Variants in PPFIBP2 observed in about 807,000 individuals in gnomAD.
The protein encoded by PPFIBP2 is liprin-beta-2.
A neutral mutation model predicts 118.3 loss-of-function variants in PPFIBP2; 118 were observed. The ratio of observed to expected loss-of-function variants is 1.00; its 90% confidence interval spans 0.86 to 1.16. The LOEUF is 1.16. Among genes scored for constraint, PPFIBP2 ranks in the 50% most tolerant of loss-of-function variants. The pLI, the probability that PPFIBP2 is intolerant of heterozygous loss-of-function variation, is 0.00. For synonymous variants in PPFIBP2, 414 were observed against 397.4 expected (o/e 1.04, Z -0.50); for missense variants, 1,195 against 1,073.1 (o/e 1.11, Z -1.59).
chr11:7,616,445 G>A lies in PPFIBP2; in HGVS notation c.619-4490G>A, dbSNP rs1304176109. ...AAGGGAGGAGACAAAGTAGGGATCC[G>A]TGTCCTCAAGGAGTGAGTCTCGTCA... On this transcript the variant is annotated intron_variant, in intron 6 of 23. Transcript: ENST00000299492. The surrounding 1 kb of genome is among the most constrained non-coding windows in gnomAD (Gnocchi z 5.2). 6.6e-6 allele frequency among the ~76,000 whole-genome samples: 1 copy of A among 152,216 alleles called. No individual in the cohort carries two copies.
intron 11 of PPFIBP2, among the ~76,000 whole-genome samples, chr11:7,631,829 G>A (rs992823441): frequency 1.3e-5 from 2 of 152,174 alleles, no homozygotes; most frequent in African/African-American, 4.8e-5. Flanking sequence ...AAGTCTTACT[G>A]GATACCTCCA....
chr11:7,660,360 G>C (rs868857058), downstream of PPFIBP2, among the ~76,000 whole-genome samples: 12 of 112,044 alleles, frequency 1.1e-4, no homozygotes, highest in South Asian at 1.6e-3. Flanking sequence ...TAGCATGAAG[G>C]GTTGTTGAAT....
At position 7,621,040 on chromosome 11, in the gene PPFIBP2, C is replaced by G; in HGVS notation, c.711+13C>G. On this transcript the variant is annotated intron_variant, in intron 7 of 23. Transcript: ENST00000299492. ...AAAGGCCACTAAGGTAAACGGCACT[C>G]CTGATGCTTATGGAGAGAGTATGAG... The G allele has an allele frequency of 6.4e-7, 1 of 1,573,314 alleles. No homozygotes were observed. Among genetic ancestry groups the G allele is most frequent in the South Asian group, 1.1e-5 (1 of 90,206 alleles).
chr11:7,642,247 T>C (rs746711442), intron 16 of PPFIBP2, 51 bp from the exon 17 acceptor site: 9 of 1,604,148 alleles, frequency 5.6e-6, no homozygotes, highest in African/African-American at 1.3e-5. Context: ...ACAGTGACTG[T>C]AGGCTTTCTG....
At chr11:7,527,133 G>C (rs1468466223) in intron 1 of PPFIBP2, among the ~76,000 whole-genome samples, 1 of 151,740 alleles carries the variant, frequency 6.6e-6, no homozygotes, top group Non-Finnish European at 1.5e-5. Flanking sequence ...AAGTCTGACT[G>C]TCTGCACCTT....
chr11:7,562,929 TTA>T (rs60848890), intron 2 of PPFIBP2, among the ~76,000 whole-genome samples: 1,724 of 85,598 alleles, frequency 0.02, 60 homozygotes, highest in Admixed American at 0.029. Flanking sequence ...AATTAAAGTT[TTA>T]TATATATATA....
chr11:7,633,190 G>T (rs1488011120), intron 12 of PPFIBP2, among the ~76,000 whole-genome samples: 2 of 152,190 alleles, frequency 1.3e-5, no homozygotes, highest in East Asian at 1.9e-4. Flanking sequence ...TCAGAGGAGA[G>T]GTGGCTGCAA....
At chr11:7,588,003 G>C (rs1182927102) in intron 3 of PPFIBP2, among the ~76,000 whole-genome samples, 9 of 152,082 alleles carry the variant, frequency 5.9e-5, no homozygotes, top group Non-Finnish European at 1.3e-4. Context: ...GCTGATCTAG[G>C]GTTCGCCACA....
intron 1 of PPFIBP2, among the ~76,000 whole-genome samples, chr11:7,544,374 G>A (rs184000950): frequency 6.0e-4 from 92 of 152,212 alleles, no homozygotes; most frequent in East Asian, 1.9e-3. Flanking sequence ...TTTCCTGGGC[G>A]GTTGGGTGCC....
At chr11:7,558,688 G>A (rs11041451) in intron 2 of PPFIBP2, among the ~76,000 whole-genome samples, 10,634 of 151,872 alleles carry the variant, frequency 0.07, 468 homozygotes, top group South Asian at 0.16. Flanking sequence ...CCTGGGAGGC[G>A]GAGGTTGCAG....
rs115712295 is a variant in PPFIBP2, at chr11:7,565,159, A to G, written c.65-394A>G. Among the ~76,000 whole-genome samples, 441 of 152,196 alleles carry G rather than the reference A, an allele frequency of 2.9e-3. 2 individuals carry two copies. The highest frequency in any genetic ancestry group is 7.9e-3 in the Admixed American group (121 of 15,282). ...TCAGTCCCAAAGGGTACAGTCATCC[A>G]CCTCTGTATGCCTATTTTTACACTG... On this transcript the variant is annotated intron_variant, in intron 2 of 23. Transcript: ENST00000299492.
the PPFIBP2 span, chr11:7,665,542 C>G: frequency 1.7e-5 from 27 of 1,601,350 alleles, no homozygotes; most frequent in Middle Eastern, 7.0e-4. Context: ...AGCTGTACTT[C>G]CAGCCTGAAA....
At chr11:7,520,630 C>T (rs117720097) in intron 1 of PPFIBP2, among the ~76,000 whole-genome samples, 6,549 of 152,008 alleles carry the variant, frequency 0.043, 278 homozygotes, top group Admixed American at 0.12. Context: ...ACTGATAACA[C>T]TTGTTCCATT....
Position 7,634,545 on chromosome 11 carries a change from T to C in PPFIBP2, c.1187T>C (p.Val396Ala). ...CSLEDLRSES[V>A]DKCMDGNQPF... The stretch of plus-strand genomic sequence containing the variant: ...CTAGAAGACTTGAGAAGTGAATCTG[T>C]GGATAAGGTCGGCTCATCAACCTAT... The change falls in exon 13 of 24, where the codon GTG (valine) becomes GCG (alanine). Residue 396 changes from valine (V) to alanine (A), a missense_variant. Transcript: ENST00000299492. 6.2e-7 allele frequency: 1 copy of C among 1,613,290 alleles called. No homozygotes were observed. The highest frequency in any genetic ancestry group is 1.1e-5 in the South Asian group (1 of 91,070).
intron 3 of PPFIBP2, among the ~76,000 whole-genome samples, chr11:7,589,527 A>G (rs1858843841): frequency 6.6e-6 from 1 of 151,894 alleles, no homozygotes; most frequent in Non-Finnish European, 1.5e-5. Context: ...CAGGAGGCAG[A>G]GGTTGCAGTG....
chr11:7,666,762 A>G, the PPFIBP2 span: 3 of 447,352 alleles, frequency 6.7e-6, no homozygotes, highest in African/African-American at 6.0e-5. Flanking sequence ...TGGATGAAGA[A>G]CCTCCATGGG....
chr11:7,662,323 G>T, the PPFIBP2 span, among the ~76,000 whole-genome samples: 2 of 152,178 alleles, frequency 1.3e-5, no homozygotes, highest in African/African-American at 4.8e-5. Flanking sequence ...TCCTTCAGGA[G>T]CTCTTTTAGG....
chr11:7,648,986 G>C lies in PPFIBP2; in HGVS notation c.1909+75G>C, dbSNP rs564176081. 591 of 1,408,488 alleles carry C rather than the reference G, an allele frequency of 4.2e-4. 10 individuals are homozygous for C. In the South Asian group the frequency reaches 6.7e-3, roughly 16 times the overall value. The allele number at this position is 1,408,488 out of a possible 1,614,324, so 87.2% of individuals were successfully genotyped here. A position where few individuals can be genotyped will look rare whatever the true frequency, so the allele number is the denominator to read the frequency against. On this transcript the variant is annotated intron_variant, in intron 19 of 23. Coordinates refer to ENST00000299492, the MANE Select transcript of PPFIBP2 (RefSeq NM_003621.5). ...GTAGAAAGAATTTTCCTGTTAAATG[G>C]GTACCTCAAGGACAGCTGTCTCCTT...
chr11:7,579,027 G>C (rs925042146), intron 3 of PPFIBP2, among the ~76,000 whole-genome samples: 23 of 151,724 alleles, frequency 1.5e-4, no homozygotes, highest in African/African-American at 5.3e-4. Context: ...TAGCAGGGAA[G>C]TGACATGGGA....
Sources: gnomAD v4.1 joint callset for allele counts (sites outside exome capture counted in the v4.1 genomes callset) on GRCh38, gnomAD v4.1.1 for gene constraint, Gnocchi (gnomAD v3.1) non-coding constraint, MANE v1.5 for transcripts, NCBI Gene and HGNC (gene_info 2026-07-23, HGNC 2026-07-21) for gene names.